SHISA9: variants seen among roughly 807,000 people sequenced by gnomAD.
The protein encoded by SHISA9 is protein shisa-9.
In SHISA9, 13 loss-of-function variants were observed where a neutral mutation model predicts 38.0. That is an observed-to-expected ratio of 0.34 (90% CI 0.22 to 0.54). SHISA9 has a LOEUF of 0.54. Ranked by LOEUF, SHISA9 falls within the 20% of genes least tolerant of loss-of-function variation. SHISA9 has a pLI of 0.91. For synonymous variants in SHISA9, 275 were observed against 242.0 expected (o/e 1.14, Z -1.27); for missense variants, 538 against 575.8 (o/e 0.93, Z 0.67).
chr16:13,531,161 C>CT, the SHISA9 span, among the ~76,000 whole-genome samples: 3 of 152,236 alleles, frequency 2.0e-5, no homozygotes, highest in East Asian at 5.8e-4. Flanking sequence ...ATTTAGTCAG[C>CT]TGGGGTTGCA....
At chr16:13,367,097 A>C in the SHISA9 span, among the ~76,000 whole-genome samples, 1 of 151,984 alleles carries the variant, frequency 6.6e-6, no homozygotes, top group Non-Finnish European at 1.5e-5. Context: ...TCATTTGTCA[A>C]ACCAGTACAA....
the SHISA9 span, among the ~76,000 whole-genome samples, chr16:13,386,338 C>T: frequency 1.3e-5 from 2 of 152,164 alleles, no homozygotes; most frequent in African/African-American, 4.8e-5. Context: ...CATAGGATCT[C>T]CTCCACCTCA....
chr16:13,126,648 GGAGAGAGAGACTGAGGAAGGGAGA>G (rs1567220908), intron 2 of SHISA9, among the ~76,000 whole-genome samples: 4 of 143,948 alleles, frequency 2.8e-5, no homozygotes, highest in African/African-American at 1.1e-4. Context: ...AGAGAGAGGT[GGAGAGAGAGACTGAGGAAGGGAGA>G]GAGAGAGAGA....
At chr16:13,279,633 A>T in the SHISA9 span, among the ~76,000 whole-genome samples, 2 of 151,894 alleles carry the variant, frequency 1.3e-5, no homozygotes, top group Admixed American at 1.3e-4. Context: ...CAACTGATGG[A>T]TGTAGAGGTC....
the SHISA9 span, among the ~76,000 whole-genome samples, chr16:13,470,020 C>G: frequency 3.9e-5 from 6 of 152,332 alleles, no homozygotes; most frequent in South Asian, 1.0e-3. Flanking sequence ...CCAGTTCTCT[C>G]TTCGTGATGG....
chr16:13,181,647 A>C (rs2050780512), intron 2 of SHISA9, among the ~76,000 whole-genome samples: 1 of 151,920 alleles, frequency 6.6e-6, no homozygotes, highest in Non-Finnish European at 1.5e-5. Context: ...TGTGTTAGAG[A>C]TTACCCTGAC....
chr16:13,379,778 C>T, the SHISA9 span, among the ~76,000 whole-genome samples: 8 of 152,244 alleles, frequency 5.3e-5, no homozygotes, highest in South Asian at 2.1e-4. Context: ...TGAGGAGCCA[C>T]TCCCTTCCTT....
chr16:13,244,113 T>A (rs1362759461), downstream of SHISA9, among the ~76,000 whole-genome samples: 1 of 152,170 alleles, frequency 6.6e-6, no homozygotes, highest in Non-Finnish European at 1.5e-5. Context: ...TTCTTAATGT[T>A]CTTAGGCCAT....
chr16:13,251,506 T>C, the SHISA9 span, among the ~76,000 whole-genome samples: 1 of 152,040 alleles, frequency 6.6e-6, no homozygotes, highest in African/African-American at 2.4e-5. Context: ...TGACTAATGG[T>C]TGCGGGGAGA....
chr16:12,909,558 T>C, intron 1 of SHISA9: 1 of 985,444 alleles, frequency 1.0e-6, no homozygotes, highest in Non-Finnish European at 1.2e-6. Flanking sequence ...TCTTGTTCTT[T>C]GGATAAGCTA....
chr16:13,436,897 T>C, the SHISA9 span, among the ~76,000 whole-genome samples: 1 of 152,216 alleles, frequency 6.6e-6, no homozygotes, highest in African/African-American at 2.4e-5. Context: ...TTTGACGGGC[T>C]TAATCAGGGT....
chr16:13,352,956 G>A, the SHISA9 span, among the ~76,000 whole-genome samples: 2 of 152,172 alleles, frequency 1.3e-5, no homozygotes, highest in Non-Finnish European at 2.9e-5. Flanking sequence ...CTTCTTTTGT[G>A]ATTCTTTAGT....
chr16:13,059,902 G>T (rs1221694329), intron 2 of SHISA9, among the ~76,000 whole-genome samples: 1 of 152,080 alleles, frequency 6.6e-6, no homozygotes, highest in African/African-American at 2.4e-5. Context: ...GACCCACCCT[G>T]CCCACACCTT....
intron 2 of SHISA9, among the ~76,000 whole-genome samples, chr16:13,144,749 A>AT (rs1234113093): frequency 6.6e-6 from 1 of 152,156 alleles, no homozygotes; most frequent in African/African-American, 2.4e-5. Context: ...GTTTGGACAA[A>AT]TGGAGGGCAG....
chr16:12,929,971 C>G (rs2071442723), intron 2 of SHISA9, among the ~76,000 whole-genome samples: 1 of 152,078 alleles, frequency 6.6e-6, no homozygotes. Flanking sequence ...GGGGCCTTAC[C>G]TACAGAAAAT....
chr16:13,010,779 C>T (rs535580880), intron 2 of SHISA9, among the ~76,000 whole-genome samples: 1 of 152,110 alleles, frequency 6.6e-6, no homozygotes, highest in African/African-American at 2.4e-5. Context: ...TGGTGAAACC[C>T]CGTCTCTACT....
At chr16:13,344,801 C>T in the SHISA9 span, among the ~76,000 whole-genome samples, 119,244 of 152,046 alleles carry the variant, frequency 0.78, 47,099 homozygotes, top group East Asian at 0.96. Context: ...GAGTCCAAGT[C>T]TGAGCCCAAG....
At chr16:13,151,670 T>C (rs1006367734) in intron 2 of SHISA9, among the ~76,000 whole-genome samples, 2 of 152,212 alleles carry the variant, frequency 1.3e-5, no homozygotes, top group African/African-American at 2.4e-5. Flanking sequence ...TTGAACTAAA[T>C]ACGTTTTAGA....
chr16:13,262,626 T>A, the SHISA9 span, among the ~76,000 whole-genome samples: 34 of 95,962 alleles, frequency 3.5e-4, no homozygotes, highest in Admixed American at 2.6e-3. Context: ...AAAAAATTGT[T>A]ATTGTGGAAG....
Sources: allele counts gnomAD v4.1 joint callset (sites outside exome capture counted in the v4.1 genomes callset), GRCh38; gene constraint gnomAD v4.1.1; transcripts MANE v1.5; gene names NCBI Gene and HGNC (gene_info 2026-07-23, HGNC 2026-07-21).